Variants in SLC35F3 observed in about 807,000 individuals in gnomAD.
SLC35F3 encodes putative thiamine transporter SLC35F3.
A neutral mutation model predicts 49.9 loss-of-function variants in SLC35F3; 25 were observed. The observed-to-expected ratio is 0.50, with a 90% CI of 0.37 to 0.70. SLC35F3 has a LOEUF of 0.70. Among genes scored for constraint, SLC35F3 ranks in the 30% least tolerant of loss-of-function variants. SLC35F3 has a pLI of 0.00. For synonymous variants in SLC35F3, 275 were observed against 265.4 expected, an observed-to-expected ratio of 1.04 and a Z score of -0.35; for missense variants, 525 against 639.8, an observed-to-expected ratio of 0.82 and a Z score of 1.94.
intron 2 of SLC35F3, among the ~76,000 whole-genome samples, chr1:234,044,556 C>T (rs1664263873): frequency 6.6e-6 from 1 of 152,278 alleles, no homozygotes; most frequent in South Asian, 2.1e-4. Context: ...TTTACACATC[C>T]ACCAGATGTA....
At chr1:233,969,321 G>A (rs1052473092) in intron 2 of SLC35F3, among the ~76,000 whole-genome samples, 3 of 152,200 alleles carry the variant, frequency 2.0e-5, no homozygotes, top group African/African-American at 4.8e-5. Context: ...CCGCGTGTGC[G>A]GTCATGATGG....
At chr1:234,099,861 G>A (rs995307679) in intron 2 of SLC35F3, among the ~76,000 whole-genome samples, 12 of 152,308 alleles carry the variant, frequency 7.9e-5, no homozygotes, top group African/African-American at 2.6e-4. Flanking sequence ...TTGAGTTGAT[G>A]TGAGTTTGAT....
At chr1:234,179,308 A>G (rs1666523272) in intron 2 of SLC35F3, among the ~76,000 whole-genome samples, 1 of 152,222 alleles carries the variant, frequency 6.6e-6, no homozygotes, top group Admixed American at 6.5e-5. Flanking sequence ...GACAAAGACA[A>G]TTAGGGGAGA....
At chr1:234,079,078 C>A (rs1451726528) in intron 2 of SLC35F3, among the ~76,000 whole-genome samples, 1 of 150,330 alleles carries the variant, frequency 6.7e-6, no homozygotes, top group Non-Finnish European at 1.5e-5. Context: ...AAAGGTACTA[C>A]AAAGCAACTG....
chr1:234,012,174 A>G (rs913107709), intron 2 of SLC35F3, among the ~76,000 whole-genome samples: 1 of 152,238 alleles, frequency 6.6e-6, no homozygotes, highest in Non-Finnish European at 1.5e-5. Context: ...CAAACATCTC[A>G]GTGGAGTAAA....
At chr1:233,983,205 G>T (rs1209148012) in intron 2 of SLC35F3, among the ~76,000 whole-genome samples, 1 of 151,904 alleles carries the variant, frequency 6.6e-6, no homozygotes, top group Non-Finnish European at 1.5e-5. Flanking sequence ...TCAACAATCA[G>T]AAAATACATT....
At chr1:234,042,248 A>T (rs1029070773) in intron 2 of SLC35F3, among the ~76,000 whole-genome samples, 15 of 151,954 alleles carry the variant, frequency 9.9e-5, no homozygotes, top group Non-Finnish European at 8.8e-5. Flanking sequence ...TTGTATCAGA[A>T]TTAATATTTC....
At chr1:234,032,108 G>T (rs527289219) in intron 2 of SLC35F3, among the ~76,000 whole-genome samples, 1 of 152,046 alleles carries the variant, frequency 6.6e-6, no homozygotes, top group African/African-American at 2.4e-5. Context: ...TGATTGTTCT[G>T]CTCTCGGCAT....
intron 2 of SLC35F3, among the ~76,000 whole-genome samples, chr1:233,938,508 T>C (rs1309753553): frequency 1.3e-5 from 2 of 152,316 alleles, no homozygotes; most frequent in East Asian, 3.9e-4. Context: ...GGGATTCTAA[T>C]ATCAAAGGGA....
At chr1:234,124,127 C>T (rs1209363454) in intron 2 of SLC35F3, among the ~76,000 whole-genome samples, 1 of 152,134 alleles carries the variant, frequency 6.6e-6, no homozygotes, top group African/African-American at 2.4e-5. Context: ...GTTCATTTTA[C>T]CAACAACTCT....
At chr1:234,154,974 T>C (rs1334909452) in intron 2 of SLC35F3, among the ~76,000 whole-genome samples, 1 of 151,540 alleles carries the variant, frequency 6.6e-6, no homozygotes, top group South Asian at 2.1e-4. Context: ...TCAAGTCTCT[T>C]AGGCAAAATG....
chr1:233,973,752 T>C (rs372005290), intron 2 of SLC35F3, among the ~76,000 whole-genome samples: 3 of 152,234 alleles, frequency 2.0e-5, no homozygotes, highest in African/African-American at 7.2e-5. Flanking sequence ...ATGGCAGAGA[T>C]AGAGCAGCTT....
At chr1:234,249,236 C>T (rs929549801) in intron 3 of SLC35F3, among the ~76,000 whole-genome samples, 2 of 152,164 alleles carry the variant, frequency 1.3e-5, no homozygotes, top group African/African-American at 2.4e-5. Context: ...CACCTCCAGG[C>T]GTGTATACTG....
At chr1:234,148,044 A>C (rs1666023713) in intron 2 of SLC35F3, among the ~76,000 whole-genome samples, 1 of 152,162 alleles carries the variant, frequency 6.6e-6, no homozygotes, top group East Asian at 1.9e-4. Flanking sequence ...AGAAAGAGAG[A>C]GTGATTGTCC....
intron 2 of SLC35F3, among the ~76,000 whole-genome samples, chr1:234,146,857 C>T (rs535499848): frequency 2.0e-5 from 3 of 152,072 alleles, no homozygotes; most frequent in Non-Finnish European, 4.4e-5. Context: ...TATGATTTTT[C>T]TGCTCTTTTT....
At chr1:234,127,496 C>T (rs1665666700) in intron 2 of SLC35F3, among the ~76,000 whole-genome samples, 1 of 152,182 alleles carries the variant, frequency 6.6e-6, no homozygotes, top group South Asian at 2.1e-4. Flanking sequence ...AGAAAGCCAT[C>T]TCCTGGGTGT....
intron 2 of SLC35F3, among the ~76,000 whole-genome samples, chr1:233,942,868 C>T (rs532045401): frequency 6.6e-6 from 1 of 152,290 alleles, no homozygotes; most frequent in East Asian, 1.9e-4. Context: ...TCTCCCTCTC[C>T]CCAGCCCCTG....
chr1:234,111,940 G>T (rs1173789314), intron 2 of SLC35F3, among the ~76,000 whole-genome samples: 1 of 152,176 alleles, frequency 6.6e-6, no homozygotes, highest in Non-Finnish European at 1.5e-5. Context: ...GGAGACAAGC[G>T]CCTGAGAATA....
intron 3 of SLC35F3, among the ~76,000 whole-genome samples, chr1:234,267,474 A>C (rs1668005254): frequency 7.3e-6 from 1 of 136,664 alleles, no homozygotes. Context: ...AGCGCCCCTC[A>C]CCTCCCGGAT....
Sources: allele counts gnomAD v4.1 joint callset (sites outside exome capture counted in the v4.1 genomes callset), GRCh38; gene constraint gnomAD v4.1.1; transcripts MANE v1.5; gene names NCBI Gene and HGNC (gene_info 2026-07-23, HGNC 2026-07-21).